Variants in NPIPB8 observed in about 807,000 individuals in gnomAD.
The protein encoded by NPIPB8 is nuclear pore complex-interacting protein family member B8.
NPIPB8 carries 3 observed loss-of-function variants against 5.3 expected under a neutral mutation model. The ratio of observed to expected loss-of-function variants is 0.57; its 90% confidence interval spans 0.26 to 1.47. The LOEUF (loss-of-function observed/expected upper bound fraction) is 1.47. NPIPB8 is among the 40% of genes most tolerant of loss of function. The pLI is 0.13. For missense variants in NPIPB8, 50 were observed against 50.2 expected (o/e 1.00, Z 0.01); for synonymous variants, 18 against 23.0 (o/e 0.78, Z 0.62).
chr16:28,643,071 C>T (rs1193967081), intron 2 of NPIPB8, among the ~76,000 whole-genome samples: 14 of 151,686 alleles, frequency 9.2e-5, no homozygotes, highest in Admixed American at 7.9e-4. Flanking sequence ...ACCCCTGGGT[C>T]CTGCCCACCT....
intron 2 of NPIPB8, among the ~76,000 whole-genome samples, chr16:28,641,442 C>A (rs2047894703): frequency 7.0e-6 from 1 of 143,848 alleles, no homozygotes; most frequent in African/African-American, 2.5e-5. Context: ...AGGCCCAATG[C>A]CACTGAAGAT....
chr16:28,642,465 AC>A (rs1178898836), intron 2 of NPIPB8, among the ~76,000 whole-genome samples: 2 of 149,076 alleles, frequency 1.3e-5, no homozygotes, highest in South Asian at 2.1e-4. Context: ...AGTTTTGTAA[AC>A]CCTGTTTTTT....
chr16:28,639,969 T>C (rs2047866143), intron 2 of NPIPB8, among the ~76,000 whole-genome samples: 1 of 151,230 alleles, frequency 6.6e-6, no homozygotes, highest in Non-Finnish European at 1.5e-5. Context: ...TCACTGTGTG[T>C]GCCAGGCCCT....
Position 28,641,074 on chromosome 16 carries a change from G to A in NPIPB8, c.120+2594G>A, listed in dbSNP as rs2047887582. Among the ~76,000 whole-genome samples the A allele has an allele frequency of 1.3e-5, 2 of 151,992 alleles. 1 individual carries two copies. The highest frequency in any genetic ancestry group is 4.1e-4 in the South Asian group (2 of 4,824). ...CTGACAGTGCCCCTGTGTCGTGCAT[G>A]TATTCTGTGCATTTTCCTGTGCTAA... On this transcript the variant is annotated intron_variant, in intron 2 of 7. Transcript: ENST00000683297.
chr16:28,638,609 T>C (rs562976531), intron 2 of NPIPB8, 129 bp downstream of exon 2: 1 of 1,376,192 alleles, frequency 7.3e-7, no homozygotes, highest in South Asian at 1.3e-5. Context: ...CTTCCTCTTT[T>C]TCTTTCCATA....
At position 28,645,237 on chromosome 16, in the gene NPIPB8, G is replaced by A. The variant is rs1381321114; in HGVS notation, c.121-2898G>A. 3.5e-5 allele frequency among the ~76,000 whole-genome samples: 4 copies of A among 115,206 alleles called. No homozygotes were observed. The South Asian group carries it at 8.0e-4, about 23-fold the overall frequency. The allele number at this position is 115,206 out of a possible 152,430, so 75.6% of individuals were successfully genotyped here. ...GTAGAGACGGGGTTTCACCATGTTC[G>A]CCAGGATAGTCTCCATCTCTTGACC... On this transcript the variant is annotated intron_variant, in intron 2 of 7. Coordinates refer to ENST00000683297, the MANE Select transcript of NPIPB8 (RefSeq NM_001310136.2).
At chr16:28,639,763 T>C (rs1282843957) in intron 2 of NPIPB8, among the ~76,000 whole-genome samples, 2 of 150,968 alleles carry the variant, frequency 1.3e-5, no homozygotes, top group African/African-American at 4.9e-5. Context: ...CAAGATAAAA[T>C]TATTTTAACA....
In NPIPB8 at chr16:28,641,314, A is replaced by G. The variant is rs2370356; in HGVS notation, c.120+2834A>G. On this transcript the variant is annotated intron_variant, in intron 2 of 7. Coordinates refer to ENST00000683297, the MANE Select transcript of NPIPB8 (RefSeq NM_001310136.2). ...GGTAGTGGGGGTAGTGGTCAGCCAG[A>G]CTTGGTGACTCTACTTGCTCACCAG... Among the ~76,000 whole-genome samples, 386 of 150,910 alleles carry G rather than the reference A, an allele frequency of 2.6e-3. 2 individuals are homozygous for G. The highest frequency in any genetic ancestry group is 3.0e-3 in the Non-Finnish European group (204 of 67,564).
In NPIPB8 at chr16:28,644,550, C is replaced by G. The variant is rs760554837; in HGVS notation, c.121-3585C>G. 6.1e-6 allele frequency: 9 copies of G among 1,475,900 alleles called. No homozygotes were observed. In the South Asian group the frequency reaches 7.1e-5, roughly 12 times the overall value. The allele number at this position is 1,475,900 out of a possible 1,614,324, so 91.4% of individuals were successfully genotyped here. On this transcript the variant is annotated intron_variant, in intron 2 of 7. Transcript: ENST00000683297. ...CCCCTGCCCTAAGCCACCTCCACCT[C>G]TGTCCTGGACACCTCAGGGCGCCCT...
At chr16:28,641,588 T>G (rs1033532582) in intron 2 of NPIPB8, among the ~76,000 whole-genome samples, 14 of 139,440 alleles carry the variant, frequency 1.0e-4, no homozygotes, top group Non-Finnish European at 1.6e-4. Flanking sequence ...GATTTACTGC[T>G]GTTACCATCA....
chr16:28,644,348 C>T (rs2047956740), intron 2 of NPIPB8, among the ~76,000 whole-genome samples: 2 of 118,014 alleles, frequency 1.7e-5, no homozygotes, highest in Non-Finnish European at 3.5e-5. Flanking sequence ...CCCCTTTCTT[C>T]TTCTCCTCCT....
chr16:28,640,220 A>G (rs2047871257), intron 2 of NPIPB8, among the ~76,000 whole-genome samples: 1 of 151,998 alleles, frequency 6.6e-6, no homozygotes, highest in African/African-American at 2.4e-5. Context: ...CATGCCTGCT[A>G]GGATGGGCTA....
At chr16:28,644,970 G>C (rs1333750567) in intron 2 of NPIPB8, among the ~76,000 whole-genome samples, 13 of 102,266 alleles carry the variant, frequency 1.3e-4, no homozygotes, top group Middle Eastern at 3.9e-3. Flanking sequence ...CTGCACTCTT[G>C]TCTCTAACAA....
At chr16:28,640,843 G>C (rs1248608348) in intron 2 of NPIPB8, among the ~76,000 whole-genome samples, 1 of 152,128 alleles carries the variant, frequency 6.6e-6, no homozygotes, top group Non-Finnish European at 1.5e-5. Flanking sequence ...ATCTCTGACT[G>C]CCTCAGTTAC....
intron 3 of NPIPB8, among the ~76,000 whole-genome samples, chr16:28,651,641 TGTGTGA>T (rs1290179334): frequency 1.9e-4 from 16 of 82,700 alleles, no homozygotes; most frequent in East Asian, 1.3e-3. Context: ...TGTGTGTGTG[TGTGTGA>T]GAGACAGAGT....
At chr16:28,644,427 T>C (rs184904883) in intron 2 of NPIPB8, among the ~76,000 whole-genome samples, 230 of 2,014 alleles carry the variant, frequency 0.11, 10 homozygotes, top group African/African-American at 0.14. Context: ...CTTCCCCCCT[T>C]CCCCTCCCCC....
At chr16:28,652,958 G>T (rs1288292094) in intron 5 of NPIPB8, among the ~76,000 whole-genome samples, 8 of 130,262 alleles carry the variant, frequency 6.1e-5, no homozygotes, top group African/African-American at 1.5e-4. Flanking sequence ...GCCCAGGCTG[G>T]AGTGCTATGG....
chr16:28,652,806 TG>T, intron 5 of NPIPB8, among the ~76,000 whole-genome samples: 1 of 138,698 alleles, frequency 7.2e-6, no homozygotes, highest in East Asian at 2.0e-4. Flanking sequence ...TTCACCATGT[TG>T]TCCAGGCTGG....
At chr16:28,651,273 G>A (rs1256627503) in intron 3 of NPIPB8, among the ~76,000 whole-genome samples, 1 of 41,340 alleles carries the variant, frequency 2.4e-5, no homozygotes, top group Admixed American at 2.2e-4. Context: ...GTGAGCTACC[G>A]CACCTGGGCT....
Sources: allele counts gnomAD v4.1 joint callset (sites outside exome capture counted in the v4.1 genomes callset), GRCh38; gene constraint gnomAD v4.1.1; transcripts MANE v1.5; gene names NCBI Gene and HGNC (gene_info 2026-07-23, HGNC 2026-07-21).